RELN: variants seen among roughly 807,000 people sequenced by gnomAD.
The protein encoded by RELN is reelin.
RELN carries 108 observed loss-of-function variants against 427.6 expected under a neutral mutation model. The observed-to-expected ratio is 0.25, with a 90% CI of 0.22 to 0.30. RELN has a LOEUF of 0.30. Ranked by LOEUF, RELN falls within the 10% of genes least tolerant of loss-of-function variation. The probability of loss-of-function intolerance (pLI) is 1.00; values close to 1 mark genes in which losing one functional copy is unlikely to be tolerated. For missense variants in RELN, 3,715 were observed against 4,302.8 expected, an observed-to-expected ratio of 0.86 and a Z score of 3.82; for synonymous variants, 1,524 against 1,513.4, an observed-to-expected ratio of 1.01 and a Z score of -0.16.
chr7:103,722,723 A>G (rs12535373), intron 8 of RELN, among the ~76,000 whole-genome samples: 39,155 of 152,064 alleles, frequency 0.26, 5,179 homozygotes, highest in South Asian at 0.38. Flanking sequence ...TGCCAAACAT[A>G]AAGCCTTAAT....
At chr7:103,925,352 T>C (rs1346800190) in intron 1 of RELN, among the ~76,000 whole-genome samples, 1 of 152,198 alleles carries the variant, frequency 6.6e-6, no homozygotes, top group African/African-American at 2.4e-5. Flanking sequence ...ATTCTGAATT[T>C]TTAAAAAATT....
At chr7:103,622,215 A>G (rs548242696) in intron 20 of RELN, among the ~76,000 whole-genome samples, 3 of 152,334 alleles carry the variant, frequency 2.0e-5, no homozygotes, top group African/African-American at 7.2e-5. Flanking sequence ...CTTTGGAGAA[A>G]TACATGACTT....
intron 51 of RELN, among the ~76,000 whole-genome samples, chr7:103,504,787 A>G (rs973651378): frequency 6.6e-6 from 1 of 152,188 alleles, no homozygotes; most frequent in Non-Finnish European, 1.5e-5. Context: ...TGGCTCAGTG[A>G]GTCCCACCCC....
intron 4 of RELN, among the ~76,000 whole-genome samples, chr7:103,764,236 A>G (rs1791372680): frequency 6.6e-6 from 1 of 152,196 alleles, no homozygotes; most frequent in Admixed American, 6.5e-5. Context: ...ACGACATTTA[A>G]TCCTCACAAC....
chr7:103,533,757 ACTTTT>A (rs66495110), intron 46 of RELN, among the ~76,000 whole-genome samples: 27,847 of 152,078 alleles, frequency 0.18, 3,851 homozygotes, highest in African/African-American at 0.38. Flanking sequence ...AGAAATAATT[ACTTTT>A]CTTGAGTAAA....
intron 27 of RELN, among the ~76,000 whole-genome samples, chr7:103,590,234 T>A (rs1455839668): frequency 6.6e-6 from 1 of 152,086 alleles, no homozygotes; most frequent in Non-Finnish European, 1.5e-5. Flanking sequence ...GGAACAAGCA[T>A]CCTCCTTCTG....
chr7:103,676,511 A>G (rs535705706), intron 11 of RELN, among the ~76,000 whole-genome samples: 2 of 152,306 alleles, frequency 1.3e-5, no homozygotes, highest in South Asian at 4.1e-4. Context: ...AACTAGAAAT[A>G]CCATTTGACC....
At chr7:103,970,891 C>T (rs774784937) in intron 1 of RELN, among the ~76,000 whole-genome samples, 4 of 152,112 alleles carry the variant, frequency 2.6e-5, no homozygotes, top group Non-Finnish European at 5.9e-5. Context: ...CGTGGTGGCT[C>T]ACGCCTGTAA....
intron 44 of RELN, 79 bp downstream of exon 44, chr7:103,540,118 A>C: frequency 6.6e-7 from 1 of 1,508,398 alleles, no homozygotes; most frequent in Non-Finnish European, 9.2e-7. Context: ...CTGAGCAAGC[A>C]GGTTGAACTA....
intron 2 of RELN, among the ~76,000 whole-genome samples, chr7:103,911,646 C>T (rs568809383): frequency 1.3e-4 from 20 of 149,980 alleles, no homozygotes; most frequent in African/African-American, 4.7e-4. Flanking sequence ...AAATGTGGCA[C>T]ATATACACCA....
intron 2 of RELN, among the ~76,000 whole-genome samples, chr7:103,884,755 A>G (rs1302700018): frequency 1.3e-5 from 2 of 152,216 alleles, no homozygotes; most frequent in Non-Finnish European, 2.9e-5. Flanking sequence ...CCCAGTTAGA[A>G]CAGCAATCAT....
chr7:103,776,367 G>A (rs1791742118), intron 4 of RELN, among the ~76,000 whole-genome samples, 190 bp downstream of exon 4: 1 of 152,120 alleles, frequency 6.6e-6, no homozygotes, highest in Non-Finnish European at 1.5e-5. Context: ...CTCACACTTA[G>A]TATCTTCAAA....
At chr7:103,614,524 A>G (rs1832036411) in intron 20 of RELN, among the ~76,000 whole-genome samples, 1 of 152,204 alleles carries the variant, frequency 6.6e-6, no homozygotes, top group South Asian at 2.1e-4. Flanking sequence ...GGCAGCAGCC[A>G]TCTTGTGACA....
Position 103,577,623 on chromosome 7 carries a change from G to C in RELN, c.4146-1918C>G, listed in dbSNP as rs547641784. On this transcript the variant is annotated intron_variant, in intron 28 of 64. Transcript: ENST00000428762. The stretch of plus-strand genomic sequence containing the variant: ...GACCTTGGGAAAATTCCTTCCCTTG[G>C]AGCTGTAACATTATTCAGCCTCTGA... Among the ~76,000 whole-genome samples, 4 of 151,438 alleles carry C rather than the reference G, an allele frequency of 2.6e-5. No homozygotes were observed. In the East Asian group the frequency reaches 7.8e-4, roughly 29 times the overall value.
At chr7:103,964,767 T>C (rs1487031160) in intron 1 of RELN, among the ~76,000 whole-genome samples, 1 of 152,206 alleles carries the variant, frequency 6.6e-6, no homozygotes, top group African/African-American at 2.4e-5. Context: ...AATACTTTAG[T>C]TCATTAAGTC....
intron 3 of RELN, among the ~76,000 whole-genome samples, chr7:103,794,830 G>C (rs1344830972): frequency 6.6e-6 from 1 of 152,106 alleles, no homozygotes; most frequent in Non-Finnish European, 1.5e-5. Flanking sequence ...AATGTCTCCA[G>C]ATATTATCAA....
intron 53 of RELN, among the ~76,000 whole-genome samples, chr7:103,500,161 T>C (rs1828978786): frequency 6.6e-6 from 1 of 152,192 alleles, no homozygotes; most frequent in South Asian, 2.1e-4. Flanking sequence ...ATAGAGTGCA[T>C]ATGTGGCAAC....
intron 6 of RELN, among the ~76,000 whole-genome samples, chr7:103,745,715 T>C (rs994438410): frequency 6.7e-6 from 1 of 149,838 alleles, no homozygotes; most frequent in Non-Finnish European, 1.5e-5. Flanking sequence ...AAAAGGGATG[T>C]GAAGGACCTC....
intron 2 of RELN, among the ~76,000 whole-genome samples, chr7:103,898,818 T>A (rs1377214143): frequency 6.6e-6 from 1 of 152,084 alleles, no homozygotes; most frequent in African/African-American, 2.4e-5. Flanking sequence ...TGTTTGTTCA[T>A]CATTTTAATT....
Sources: allele counts gnomAD v4.1 joint callset (sites outside exome capture counted in the v4.1 genomes callset), GRCh38; gene constraint gnomAD v4.1.1; transcripts MANE v1.5; gene names NCBI Gene and HGNC (gene_info 2026-07-23, HGNC 2026-07-21).